The following VWA5B2 variants were observed in gnomAD, a reference collection of about 807,000 sequenced individuals.
The protein encoded by VWA5B2 is von Willebrand factor A domain-containing protein 5B2.
A neutral mutation model predicts 118.5 loss-of-function variants in VWA5B2; 93 were observed. That is an observed-to-expected ratio of 0.79 (90% CI 0.66 to 0.93). The LOEUF (loss-of-function observed/expected upper bound fraction) is 0.93. Ranked by LOEUF, VWA5B2 falls within the 40% of genes least tolerant of loss-of-function variation. The probability of loss-of-function intolerance (pLI) is 0.00; values close to 1 mark genes in which losing one functional copy is unlikely to be tolerated. For missense variants in VWA5B2, 1,546 were observed against 1,672.8 expected (o/e 0.92, Z 1.32); for synonymous variants, 708 against 716.3 (o/e 0.99, Z 0.19).
At position 184,231,053 on chromosome 3, in the gene VWA5B2, A is replaced by C. The variant is rs529011645; in HGVS notation, c.310+136A>C. ...CATTCATTGGCTCATCCTGGTATTT[A>C]GCAGTCGTGGGCTGGGCACCTGACC... On this transcript the variant is annotated intron_variant, in intron 3 of 19. Transcript: ENST00000691901. 3 of 1,185,638 alleles carry C rather than the reference A, an allele frequency of 2.5e-6. No individual in the cohort carries two copies. In the African/African-American group the frequency reaches 4.8e-5, roughly 19 times the overall value. The allele number at this position is 1,185,638 out of a possible 1,614,324, so 73.4% of individuals were successfully genotyped here. A position where few individuals can be genotyped will look rare whatever the true frequency, so the allele number is the denominator to read the frequency against.
At chr3:184,235,416 CA>C in intron 8 of VWA5B2, 108 bp downstream of exon 8, 1 of 1,272,860 alleles carries the variant, frequency 7.9e-7, no homozygotes, top group East Asian at 2.6e-5. Context: ...TTGCTTCAAA[CA>C]CCATCTTCCA....
Position 184,238,648 on chromosome 3 carries a change from G to C in VWA5B2, c.1977G>C (p.Ser659=), listed in dbSNP as rs772110232. 1 of 1,551,762 alleles carries C rather than the reference G, an allele frequency of 6.4e-7. No individual in the cohort carries two copies. ...TATGGCGCCGCATCTTTCAGTCCTCGTACATTCGGGAGCAGTATGTGCTCA... is the reference window on the plus strand; with the variant it reads ...TATGGCGCCGCATCTTTCAGTCCTCCTACATTCGGGAGCAGTATGTGCTCA... The part of the protein sequence containing the change: ...TAIWRRIFQS[S]YIREQYVLTH... Residue 659 remains serine, a synonymous_variant, in exon 14 of 20, where the codon TCG becomes TCC. Coordinates refer to ENST00000691901, the MANE Select transcript of VWA5B2 (RefSeq NM_001390846.1). This position sits in a 1 kb window ranked among gnomAD's most constrained non-coding sequence, Gnocchi z 5.0.
In VWA5B2 at chr3:184,233,849, C is replaced by T; in HGVS notation, c.688+116C>T. On this transcript the variant is annotated intron_variant, in intron 5 of 19. Coordinates refer to ENST00000691901, the MANE Select transcript of VWA5B2 (RefSeq NM_001390846.1). This position sits in a 1 kb window ranked among gnomAD's most constrained non-coding sequence, Gnocchi z 5.2. ...GGACACAGGACAAAAAGACAGGGAC[C>T]CCAGCCTCCGGAACATCTGGGTTAG... The T allele has an allele frequency of 7.2e-7, 1 of 1,389,602 alleles. No homozygotes were observed. The highest frequency in any genetic ancestry group is 1.4e-5 in the South Asian group (1 of 69,248). The allele number at this position is 1,389,602 out of a possible 1,614,324, so 86.1% of individuals were successfully genotyped here. A position where few individuals can be genotyped will look rare whatever the true frequency, so the allele number is the denominator to read the frequency against.
In VWA5B2 at chr3:184,233,628, G is replaced by A. The variant is rs1210612346; in HGVS notation, c.583G>A (p.Glu195Lys). The change falls in exon 5 of 20, where the codon GAG (glutamate) becomes AAG (lysine). Residue 195 changes from glutamate to lysine, a missense_variant. Physicochemically the swap from Glu to Lys is moderately conservative, Grantham distance 56 (BLOSUM62 1). Around this residue, in one of 3 missense-constraint regions of VWA5B2, gnomAD observed 775 missense variants for 882.3 expected, o/e 0.88. Coordinates refer to ENST00000691901, the MANE Select transcript of VWA5B2 (RefSeq NM_001390846.1). The surrounding 1 kb of genome is among the most constrained non-coding windows in gnomAD (Gnocchi z 5.2). ...CCTTCAGGAGGAAGGGCTGGCCTGGGAGGAGCTGGCTGCCCCTCGGGACGT... is the reference window on the plus strand; with the variant it reads ...CCTTCAGGAGGAAGGGCTGGCCTGGAAGGAGCTGGCTGCCCCTCGGGACGT... ...GSLQEEGLAW[E>K]ELAAPRDVFS... 1 of 1,551,188 alleles carries A rather than the reference G, an allele frequency of 6.4e-7. No homozygotes were observed. The highest frequency in any genetic ancestry group is 1.4e-5 in the African/African-American group (1 of 73,046).
Position 184,236,165 on chromosome 3 carries a change from T to C in VWA5B2, c.1115T>C (p.Leu372Ser). The C allele has an allele frequency of 6.4e-7, 1 of 1,551,538 alleles. No individual in the cohort carries two copies. Among genetic ancestry groups the C allele is most frequent in the Non-Finnish European group, 8.7e-7 (1 of 1,146,988 alleles). ...SSVAHKDAIVLAVKSLPPQTL... is the reference protein window; with the variant it reads ...SSVAHKDAIVSAVKSLPPQTL... ...GGCCCTCCACAGGATGCCATTGTTT[T>C]GGCTGTGAAGTCCCTCCCGCCCCAG... Residue 372 changes from leucine (L) to serine (S), a missense_variant, in exon 9 of 20, where the codon TTG becomes TCG. This residue lies in a region of VWA5B2 where 775 missense variants were observed against 882.3 expected (regional missense o/e 0.88). Transcript: ENST00000691901.
Position 184,242,047 on chromosome 3 carries a change from CCCTGCTGCTTGGG to C in VWA5B2, c.*11_*23del. On this transcript the variant is annotated 3_prime_UTR_variant, in exon 20 of 20. Transcript: ENST00000691901. ...GCCCAGCGAACGTGTGAAGGCTGCC[CCCTGCTGCTTGGG>C]CTGGCGCCCCACCCAACACACTCAA... 1 of 1,547,946 alleles carries C rather than the reference CCCTGCTGCTTGGG, an allele frequency of 6.5e-7. No individual in the cohort carries two copies. The highest frequency in any genetic ancestry group is 1.2e-5 in the South Asian group (1 of 83,942).
At chr3:184,234,213 C>T in intron 5 of VWA5B2, 53 bp from the exon 6 acceptor site, 1 of 1,539,960 alleles carries the variant, frequency 6.5e-7, no homozygotes, top group Non-Finnish European at 8.8e-7. Flanking sequence ...CATTTGCTGT[C>T]CCTGGGAAGG....
Position 184,239,589 on chromosome 3 carries a change from T to C in VWA5B2, c.2392+6T>C, listed in dbSNP as rs1035831449. On this transcript the variant is annotated splice_donor_region_variant and intron_variant, in intron 15 of 19. Coordinates refer to ENST00000691901, the MANE Select transcript of VWA5B2 (RefSeq NM_001390846.1). This position sits in a 1 kb window ranked among gnomAD's most constrained non-coding sequence, Gnocchi z 5.1. Reference sequence around the variant, plus strand: ...ACAAGGCCTGGATGACTCAGGTAAGTGTTGGATGGGGAGCTGGTTTCCCTG... The same window carrying C: ...ACAAGGCCTGGATGACTCAGGTAAGCGTTGGATGGGGAGCTGGTTTCCCTG... 6 of 1,504,772 alleles carry C rather than the reference T, an allele frequency of 4.0e-6. No individual in the cohort carries two copies. In the South Asian group the frequency reaches 6.3e-5, roughly 16 times the overall value. 93.2% of individuals were successfully genotyped at this position (1,504,772 alleles called of 1,614,324 possible). A position where few individuals can be genotyped will look rare whatever the true frequency, so the allele number is the denominator to read the frequency against.
chr3:184,240,615 C>A, intron 16 of VWA5B2, 176 bp from the exon 17 acceptor site: 1 of 870,396 alleles, frequency 1.1e-6, no homozygotes, highest in Non-Finnish European at 1.7e-6. Flanking sequence ...GAAGATTCAG[C>A]CTGATCACTT....
chr3:184,233,348 C>T lies in VWA5B2; in HGVS notation c.481C>T (p.Pro161Ser). ...ALPTVLTPLA[P>S]PGPPGPPRPP... is the part of the protein sequence containing the mutation. ...GCCCACTGTGCTCACCCCGCTGGCC[C>T]CGCCAGGCCCGCCGGGGCCCCCCAG... The change falls in exon 4 of 20, where the codon CCG (proline) becomes TCG (serine). Residue 161 changes from proline to serine, a missense_variant. By Grantham distance (74) the Pro-to-Ser change is moderately conservative (BLOSUM62 -1). This residue lies in a region of VWA5B2 where 775 missense variants were observed against 882.3 expected (regional missense o/e 0.88). Transcript: ENST00000691901. This position sits in a 1 kb window ranked among gnomAD's most constrained non-coding sequence, Gnocchi z 5.2. 3 of 1,539,344 alleles carry T rather than the reference C, an allele frequency of 1.9e-6. No individual in the cohort carries two copies. Among genetic ancestry groups the T allele is most frequent in the Non-Finnish European group, 2.6e-6 (3 of 1,142,180 alleles).
Position 184,237,767 on chromosome 3 carries a change from C to A in VWA5B2, c.1719+356C>A, listed in dbSNP as rs957336040. 6.6e-6 allele frequency among the ~76,000 whole-genome samples: 1 copy of A among 152,200 alleles called. No homozygotes were observed. The highest frequency in any genetic ancestry group is 1.5e-5 in the Non-Finnish European group (1 of 68,036). ...GTTCCCTATAGAAAGCACCAGCCAGCGTATTTTCTGGGACACGCAGTGATG... is the reference window on the plus strand; with the variant it reads ...GTTCCCTATAGAAAGCACCAGCCAGAGTATTTTCTGGGACACGCAGTGATG... On this transcript the variant is annotated intron_variant, in intron 12 of 19. Transcript: ENST00000691901. This position sits in a 1 kb window ranked among gnomAD's most constrained non-coding sequence, Gnocchi z 5.6.
chr3:184,239,326 G>A lies in VWA5B2; in HGVS notation c.2203-68G>A. The A allele has an allele frequency of 7.0e-7, 1 of 1,432,900 alleles. No homozygotes were observed. The highest frequency in any genetic ancestry group is 2.6e-5 in the East Asian group (1 of 38,916). The allele number at this position is 1,432,900 out of a possible 1,614,324, so 88.8% of individuals were successfully genotyped here. On this transcript the variant is annotated intron_variant, in intron 14 of 19. Transcript: ENST00000691901. This position sits in a 1 kb window ranked among gnomAD's most constrained non-coding sequence, Gnocchi z 5.1. Reference sequence around the variant, plus strand: ...TTCAGAAAAGGGGCATGGGCCAGCTGTGCACCCATGTATGATGGTCAAGGG... The same window carrying A: ...TTCAGAAAAGGGGCATGGGCCAGCTATGCACCCATGTATGATGGTCAAGGG...
chr3:184,240,037 G>T lies in VWA5B2; in HGVS notation c.2740+1G>T. On this transcript the variant is annotated splice_donor_variant, in intron 16 of 19. Transcript: ENST00000691901. LOFTEE classifies it high-confidence loss of function. The stretch of plus-strand genomic sequence containing the variant: ...GGGGCAGAGACCACAGCTGACCGGG[G>T]TGAGTTGCTCATGGGTCCAGTCAGG... 1 of 1,531,292 alleles carries T rather than the reference G, an allele frequency of 6.5e-7. No homozygotes were observed. Among genetic ancestry groups the T allele is most frequent in the Non-Finnish European group, 8.8e-7 (1 of 1,137,372 alleles). 94.9% of individuals were successfully genotyped at this position (1,531,292 alleles called of 1,614,324 possible).
Position 184,239,376 on chromosome 3 carries a change from C to G in VWA5B2, c.2203-18C>G. 6.6e-7 allele frequency: 1 copy of G among 1,521,910 alleles called. No homozygotes were observed. The highest frequency in any genetic ancestry group is 1.4e-5 in the African/African-American group (1 of 72,272). 94.3% of individuals were successfully genotyped at this position (1,521,910 alleles called of 1,614,324 possible). A position where few individuals can be genotyped will look rare whatever the true frequency, so the allele number is the denominator to read the frequency against. ...GTTCTGCATTCCTTGACCAGTGGCC[C>G]CCATATCTCACATGCAGGTGGGGGC... is the stretch of plus-strand genomic sequence containing the variant. On this transcript the variant is annotated intron_variant, in intron 14 of 19. Transcript: ENST00000691901. This position sits in a 1 kb window ranked among gnomAD's most constrained non-coding sequence, Gnocchi z 5.1.
In VWA5B2 at chr3:184,230,415, G is replaced by T; in HGVS notation, c.-114G>T. On this transcript the variant is annotated 5_prime_UTR_variant, in exon 2 of 20. Transcript: ENST00000691901. ...TCGGCCTCGCGCCCCGGCAGGCCCC[G>T]TCCGGGTGCTGGAGTGAGACTCTCG... is the stretch of plus-strand genomic sequence containing the variant. 7.3e-6 allele frequency: 9 copies of T among 1,227,590 alleles called. No homozygotes were observed. The highest frequency in any genetic ancestry group is 2.1e-5 in the South Asian group (1 of 46,804). The allele number at this position is 1,227,590 out of a possible 1,614,324, so 76.0% of individuals were successfully genotyped here.
rs1194390646 is a variant in VWA5B2 at position 184,238,793 on chromosome 3, G to A, written c.2122G>A (p.Gly708Ser). ...TCCCTTGGAGCCCCCTTCTCAGCAG[G>A]GCTGCCGCAGTCTGGCCTGGGGAGA... ...SAPLEPPSQQGCRSLAWGEPA... is the reference protein window; with the variant it reads ...SAPLEPPSQQSCRSLAWGEPA... Residue 708 changes from glycine to serine, a missense_variant, in exon 14 of 20, where the codon GGC becomes AGC. Coordinates refer to ENST00000691901, the MANE Select transcript of VWA5B2 (RefSeq NM_001390846.1). This position sits in a 1 kb window ranked among gnomAD's most constrained non-coding sequence, Gnocchi z 5.0. 9.0e-6 allele frequency: 14 copies of A among 1,547,052 alleles called. No individual in the cohort carries two copies. Among genetic ancestry groups the A allele is most frequent in the African/African-American group, 4.1e-5 (3 of 72,980 alleles).
rs916407500 is a variant in VWA5B2, at chr3:184,229,728, G to A, written c.-150+15G>A. Among the ~76,000 whole-genome samples the A allele has an allele frequency of 1.3e-5, 2 of 152,128 alleles. No homozygotes were observed. Among genetic ancestry groups the A allele is most frequent in the Non-Finnish European group, 2.9e-5 (2 of 67,988 alleles). On this transcript the variant is annotated intron_variant, in intron 1 of 19. Coordinates refer to ENST00000691901, the MANE Select transcript of VWA5B2 (RefSeq NM_001390846.1). ...AGGGCGCGACGGTGAGGCTGAGACT[G>A]CCACAGGGAGCGGGGCGATCCCCAG...
At position 184,238,554 on chromosome 3, in the gene VWA5B2, T is replaced by C. The variant is rs747760784; in HGVS notation, c.1892-9T>C. The C allele has an allele frequency of 1.1e-5, 17 of 1,543,068 alleles. No homozygotes were observed. Among genetic ancestry groups the C allele is most frequent in the South Asian group, 9.6e-5 (8 of 83,644 alleles). On this transcript the variant is annotated splice_polypyrimidine_tract_variant and intron_variant, in intron 13 of 19. Coordinates refer to ENST00000691901, the MANE Select transcript of VWA5B2 (RefSeq NM_001390846.1). This position sits in a 1 kb window ranked among gnomAD's most constrained non-coding sequence, Gnocchi z 5.0. The stretch of plus-strand genomic sequence containing the variant: ...CAGGGCTAGGGCCCATTCTACTGCC[T>C]CCCAGCAGGTACTGATGCTCTGACA...
intron 3 of VWA5B2, 198 bp from the exon 4 acceptor site, chr3:184,232,980 A>C (rs1449731288): frequency 3.4e-6 from 2 of 588,750 alleles, no homozygotes; most frequent in African/African-American, 1.9e-5. Flanking sequence ...TGACAGCCAG[A>C]TCTGTTCACA....
Sources: gnomAD v4.1 joint callset for allele counts (sites outside exome capture counted in the v4.1 genomes callset) on GRCh38, gnomAD v4.1.1 for gene constraint, gnomAD v4.1.1 regional missense constraint, Gnocchi (gnomAD v3.1) non-coding constraint, MANE v1.5 for transcripts, NCBI Gene and HGNC (gene_info 2026-07-23, HGNC 2026-07-21) for gene names.